TTLL7: variants seen among roughly 807,000 people sequenced by gnomAD.
The protein encoded by TTLL7 is tubulin polyglutamylase TTLL7.
Under a neutral mutation model 120.2 loss-of-function variants are expected in TTLL7, and 53 were observed. The ratio of observed to expected loss-of-function variants is 0.44; its 90% CI spans 0.35 to 0.55. TTLL7 has a LOEUF of 0.55. Among genes scored for constraint, TTLL7 ranks in the 20% least tolerant of loss-of-function variants. TTLL7 has a pLI of 0.00. For synonymous variants in TTLL7, 353 were observed against 351.7 expected, an observed-to-expected ratio of 1.00 and a Z score of -0.04; for missense variants, 803 against 1,054.7, an observed-to-expected ratio of 0.76 and a Z score of 3.31.
At chr1:83,882,093 TG>T (rs1359404720) in intron 20 of TTLL7, among the ~76,000 whole-genome samples, 3 of 71,900 alleles carry the variant, frequency 4.2e-5, no homozygotes, top group Middle Eastern at 0.015. Flanking sequence ...TGTTGTGGGG[TG>T]GGGGGAGGGG....
intron 12 of TTLL7, among the ~76,000 whole-genome samples, 164 bp downstream of exon 12, chr1:83,920,923 C>CATCT (rs1658595521): frequency 6.6e-6 from 1 of 151,986 alleles, no homozygotes; most frequent in Non-Finnish European, 1.5e-5. Context: ...AAGGCTGAAC[C>CATCT]ATCTCCCTGC....
chr1:83,873,896 T>A (rs1365466621), intron 20 of TTLL7, among the ~76,000 whole-genome samples: 1 of 152,130 alleles, frequency 6.6e-6, no homozygotes, highest in Non-Finnish European at 1.5e-5. Flanking sequence ...AGGACCTGGT[T>A]TGGAAAACTC....
At chr1:83,892,930 G>GAAAGAAAGAA (rs796525599) in intron 18 of TTLL7, among the ~76,000 whole-genome samples, 6 of 94,880 alleles carry the variant, frequency 6.3e-5, no homozygotes, top group Non-Finnish European at 9.4e-5. Flanking sequence ...AAGAAAAAGA[G>GAAAGAAAGAA]AAAGAAAGAA....
intron 18 of TTLL7, among the ~76,000 whole-genome samples, chr1:83,892,403 A>T (rs62641222): frequency 5.6e-5 from 4 of 71,802 alleles, no homozygotes; most frequent in African/African-American, 4.2e-5. Flanking sequence ...AATATATATG[A>T]ACATATATAT....
intron 14 of TTLL7, among the ~76,000 whole-genome samples, chr1:83,913,208 G>A (rs1302044847): frequency 1.3e-5 from 2 of 152,114 alleles, no homozygotes; most frequent in African/African-American, 4.8e-5. Context: ...CTGGCATTGA[G>A]TTATGGCACA....
intron 8 of TTLL7, among the ~76,000 whole-genome samples, chr1:83,934,497 T>C (rs959048081): frequency 3.3e-5 from 5 of 152,194 alleles, no homozygotes; most frequent in African/African-American, 9.6e-5. Context: ...GATTTTGTAG[T>C]GTATAAGTTT....
At position 83,886,019 on chromosome 1, in the gene TTLL7, A is replaced by G. The variant is rs557250573; in HGVS notation, c.2370-2883T>C. ...GGCTCTCCCTAATCCTCACAGCAAT[A>G]TAAAAGGAAAACACTTTAAATGACT... On this transcript the variant is annotated intron_variant, in intron 19 of 20. Transcript: ENST00000260505. 8.5e-4 allele frequency among the ~76,000 whole-genome samples: 130 copies of G among 152,188 alleles called. 1 individual carries two copies. In the South Asian group the frequency reaches 0.026, roughly 31 times the overall value.
chr1:83,895,048 CTA>C (rs757013453), intron 18 of TTLL7, among the ~76,000 whole-genome samples: 1 of 152,098 alleles, frequency 6.6e-6, no homozygotes, highest in African/African-American at 2.4e-5. Context: ...TGATAAACTT[CTA>C]TGTTTCACTT....
intron 3 of TTLL7, among the ~76,000 whole-genome samples, chr1:83,950,431 T>C (rs1648939131): frequency 6.6e-6 from 1 of 152,162 alleles, no homozygotes; most frequent in Non-Finnish European, 1.5e-5. Flanking sequence ...TCAAATTATT[T>C]TTAGTACTTA....
intron 15 of TTLL7, among the ~76,000 whole-genome samples, chr1:83,910,308 C>G (rs986216899): frequency 7.2e-5 from 11 of 152,112 alleles, no homozygotes; most frequent in African/African-American, 2.4e-4. Flanking sequence ...CATTATTGAG[C>G]TGGTTCCTTT....
chr1:83,984,689 G>A (rs1652283272), intron 1 of TTLL7, among the ~76,000 whole-genome samples: 1 of 152,090 alleles, frequency 6.6e-6, no homozygotes, highest in African/African-American at 2.4e-5. Flanking sequence ...ACCAAATACT[G>A]CATGTTCTCA....
intron 10 of TTLL7, among the ~76,000 whole-genome samples, chr1:83,923,069 T>C (rs1658820065): frequency 2.0e-5 from 3 of 150,760 alleles, no homozygotes. Flanking sequence ...CAATGATGAA[T>C]ACAAATTTGG....
At position 83,876,759 on chromosome 1, in the gene TTLL7, G is replaced by A. The variant is rs1653964298; in HGVS notation, c.2543+6204C>T. Among the ~76,000 whole-genome samples the A allele has an allele frequency of 5.9e-5, 9 of 151,812 alleles. 1 individual carries two copies. The highest frequency in any genetic ancestry group is 5.9e-4 in the Admixed American group (9 of 15,232). Reference sequence around the variant, plus strand: ...AAAGTGTAATTGATTTTCCTATATTGACTTTGATTTATATGATTTCATCAA... The same window carrying A: ...AAAGTGTAATTGATTTTCCTATATTAACTTTGATTTATATGATTTCATCAA... On this transcript the variant is annotated intron_variant, in intron 20 of 20. Transcript: ENST00000260505.
intron 18 of TTLL7, among the ~76,000 whole-genome samples, chr1:83,900,511 A>G (rs1656629870): frequency 6.6e-6 from 1 of 151,982 alleles, no homozygotes; most frequent in African/African-American, 2.4e-5. Context: ...GTGAGATTGT[A>G]AAGAAGGGAT....
At chr1:83,989,820 T>C (rs1205649523) in intron 1 of TTLL7, among the ~76,000 whole-genome samples, 2 of 152,190 alleles carry the variant, frequency 1.3e-5, no homozygotes, top group African/African-American at 2.4e-5. Flanking sequence ...GGAATGTTTT[T>C]TTCGTACTCT....
rs372574115 is a variant in TTLL7 at position 83,918,422 on chromosome 1, T to G, written c.1501-732A>C. ...AAGAGGTATAATCAACTGTATCATT[T>G]AGTTATTTAAGAAAGGATTCTAGAA... On this transcript the variant is annotated intron_variant, in intron 13 of 20. Coordinates refer to ENST00000260505, the MANE Select transcript of TTLL7 (RefSeq NM_024686.6). Among the ~76,000 whole-genome samples, 66 of 152,278 alleles carry G rather than the reference T, an allele frequency of 4.3e-4. 1 individual carries two copies. The South Asian group carries it at 0.013, about 30-fold the overall frequency.
intron 9 of TTLL7, among the ~76,000 whole-genome samples, chr1:83,933,136 G>A (rs193128713): frequency 6.4e-4 from 97 of 152,192 alleles, no homozygotes; most frequent in Non-Finnish European, 8.7e-4. Context: ...TGGCCTTAAA[G>A]GAGAAATTTA....
intron 1 of TTLL7, among the ~76,000 whole-genome samples, chr1:83,990,428 GC>G (rs1226731635): frequency 4.6e-5 from 7 of 152,112 alleles, no homozygotes; most frequent in African/African-American, 1.7e-4. Flanking sequence ...ACCCGCCTCG[GC>G]CTCCCAAAGT....
At chr1:83,912,107 T>C (rs961710012) in intron 14 of TTLL7, among the ~76,000 whole-genome samples, 4 of 152,154 alleles carry the variant, frequency 2.6e-5, no homozygotes, top group African/African-American at 9.7e-5. Context: ...CTGGCCATAA[T>C]AGAGTGACAT....
Sources: gnomAD v4.1 joint callset for allele counts (sites outside exome capture counted in the v4.1 genomes callset) on GRCh38, gnomAD v4.1.1 for gene constraint, MANE v1.5 for transcripts, NCBI Gene and HGNC (gene_info 2026-07-23, HGNC 2026-07-21) for gene names.